Variants in PTPRN2 observed in about 807,000 individuals in gnomAD.
The protein encoded by PTPRN2 is receptor-type tyrosine-protein phosphatase N2.
In PTPRN2, 74 loss-of-function variants were observed where a neutral mutation model predicts 118.8. The ratio of observed to expected loss-of-function variants is 0.62; its 90% confidence interval spans 0.52 to 0.76. The LOEUF (loss-of-function observed/expected upper bound fraction) is 0.76. PTPRN2 is among the 30% of genes least tolerant of loss of function. The pLI is 0.00. For synonymous variants in PTPRN2, 641 were observed against 608.0 expected, an observed-to-expected ratio of 1.05 and a Z score of -0.80; for missense variants, 1,481 against 1,394.4, an observed-to-expected ratio of 1.06 and a Z score of -0.99.
chr7:158,532,891 G>A, intron 1 of PTPRN2: 1 of 501,088 alleles, frequency 2.0e-6, no homozygotes, highest in Non-Finnish European at 4.2e-6. Flanking sequence ...GATGGCTCAG[G>A]GACGGCCAGG....
Position 157,656,445 on chromosome 7 carries a change from G to T in PTPRN2, c.2108C>A (p.Pro703His). 6.4e-7 allele frequency: 1 copy of T among 1,554,548 alleles called. No individual in the cohort carries two copies. Residue 703 changes from proline (P) to histidine (H), a missense_variant, in exon 14 of 23, where the codon CCC (proline) becomes CAC (histidine). Physicochemically the swap from Pro to His is moderately conservative, Grantham distance 77. Coordinates refer to ENST00000389418, the MANE Select transcript of PTPRN2 (RefSeq NM_002847.5). ...GGCGCTGCTGCGTGCGGAGGGGCTG[G>T]GGATCGGCCCGTCGCTGAACTGGGA... Reference protein sequence around the residue: ...VSSQFSDGPIPSPSARSSASS... With the variant: ...VSSQFSDGPIHSPSARSSASS...
intron 11 of PTPRN2, among the ~76,000 whole-genome samples, chr7:157,945,787 C>G (rs1800450568): frequency 6.7e-6 from 1 of 148,356 alleles, no homozygotes; most frequent in South Asian, 2.1e-4. Context: ...ACAATGCCGC[C>G]TTCCCACCTC....
intron 12 of PTPRN2, among the ~76,000 whole-genome samples, chr7:157,836,912 A>T (rs1314292243): frequency 6.7e-6 from 1 of 149,744 alleles, no homozygotes; most frequent in African/African-American, 2.5e-5. Context: ...CTACCCACCC[A>T]CCCTGCACTC....
At position 157,806,205 on chromosome 7, in the gene PTPRN2, T is replaced by C. The variant is rs535504364; in HGVS notation, c.1788+92468A>G. Among the ~76,000 whole-genome samples, 5 of 152,318 alleles carry C rather than the reference T, an allele frequency of 3.3e-5. No individual in the cohort carries two copies. In the East Asian group the frequency reaches 7.7e-4, roughly 24 times the overall value. ...TTACATCACACTTACTGGTTGAGCA[T>C]CCCAAATACAAAAATCTGAAATCCA... On this transcript the variant is annotated intron_variant, in intron 12 of 22. Coordinates refer to ENST00000389418, the MANE Select transcript of PTPRN2 (RefSeq NM_002847.5).
chr7:157,984,018 G>A (rs536474921), intron 11 of PTPRN2, among the ~76,000 whole-genome samples: 131 of 152,248 alleles, frequency 8.6e-4, no homozygotes, highest in Middle Eastern at 3.4e-3. Flanking sequence ...CAGGGGGCCC[G>A]TGAGATGGAG....
chr7:157,875,165 G>A (rs912491809), intron 12 of PTPRN2, among the ~76,000 whole-genome samples: 1 of 152,222 alleles, frequency 6.6e-6, no homozygotes, highest in Non-Finnish European at 1.5e-5. Context: ...CTGTGTCGGG[G>A]TCACCTTGAC....
chr7:157,758,475 C>A (rs990017984), intron 12 of PTPRN2, among the ~76,000 whole-genome samples: 1 of 152,194 alleles, frequency 6.6e-6, no homozygotes, highest in East Asian at 1.9e-4. Context: ...CAGACCGTGG[C>A]CCCCGTGCAG....
At chr7:158,293,754 G>A (rs1173937496) in intron 3 of PTPRN2, among the ~76,000 whole-genome samples, 79 of 22,052 alleles carry the variant, frequency 3.6e-3, no homozygotes, top group Middle Eastern at 0.024. Context: ...AAACTTTTTT[G>A]TTAAAAAAAA....
At chr7:158,268,497 CCAGCCACAAACAGGGCGG>C (rs1798047614) in intron 3 of PTPRN2, among the ~76,000 whole-genome samples, 1 of 144,598 alleles carries the variant, frequency 6.9e-6, no homozygotes, top group African/African-American at 2.6e-5. Context: ...ATATCCCAGC[CCAGCCACAAACAGGGCGG>C]GTGTGAAATA....
At chr7:158,452,654 C>T (rs1033766246) in intron 2 of PTPRN2, among the ~76,000 whole-genome samples, 2 of 151,848 alleles carry the variant, frequency 1.3e-5, no homozygotes, top group African/African-American at 4.8e-5. Flanking sequence ...TTGGGGGGCT[C>T]GATAAGACAG....
intron 1 of PTPRN2, among the ~76,000 whole-genome samples, chr7:158,538,362 C>T (rs1825775200): frequency 1.3e-5 from 2 of 152,270 alleles, no homozygotes. Flanking sequence ...AGCACTGCCC[C>T]TCACCCCTGC....
At chr7:158,190,443 G>A (rs1395804822) in intron 5 of PTPRN2, among the ~76,000 whole-genome samples, 1 of 152,252 alleles carries the variant, frequency 6.6e-6, no homozygotes, top group Non-Finnish European at 1.5e-5. Context: ...GGCCCACACA[G>A]AGAGACTCCC....
chr7:157,704,408 A>G (rs1366165874), intron 12 of PTPRN2, among the ~76,000 whole-genome samples: 1 of 152,240 alleles, frequency 6.6e-6, no homozygotes, highest in African/African-American at 2.4e-5. Context: ...ACAAATGTGG[A>G]AGGCATCCTT....
chr7:158,144,643 A>G (rs1819718297), intron 6 of PTPRN2, among the ~76,000 whole-genome samples: 1 of 152,096 alleles, frequency 6.6e-6, no homozygotes, highest in African/African-American at 2.4e-5. Context: ...GGGGAAGGGG[A>G]AGGGGAAGGA....
intron 12 of PTPRN2, among the ~76,000 whole-genome samples, chr7:157,742,864 T>A (rs1246083258): frequency 6.6e-6 from 1 of 152,238 alleles, no homozygotes; most frequent in Admixed American, 6.5e-5. Context: ...TGCTTGTAAT[T>A]CCAAAGTATT....
At chr7:158,263,074 TCA>T (rs1205784451) in intron 3 of PTPRN2, among the ~76,000 whole-genome samples, 38 of 137,536 alleles carry the variant, frequency 2.8e-4, no homozygotes, top group African/African-American at 7.4e-4. Context: ...CACACACACA[TCA>T]CACACACCAC....
At chr7:158,248,207 C>CT (rs1796382228) in intron 3 of PTPRN2, among the ~76,000 whole-genome samples, 1 of 152,178 alleles carries the variant, frequency 6.6e-6, no homozygotes. Context: ...CCCCTTCCGT[C>CT]TTGACACTCA....
intron 22 of PTPRN2, among the ~76,000 whole-genome samples, chr7:157,544,578 G>A (rs1170581977): frequency 6.6e-6 from 1 of 152,240 alleles, no homozygotes; most frequent in African/African-American, 2.4e-5. Flanking sequence ...AGTGAGGAGG[G>A]CATGGGGCTT....
chr7:158,444,453 C>G (rs923372576), intron 2 of PTPRN2, among the ~76,000 whole-genome samples: 1 of 152,258 alleles, frequency 6.6e-6, no homozygotes, highest in Non-Finnish European at 1.5e-5. Flanking sequence ...CTGCTGCAAA[C>G]GTCAGTTTGA....
Sources: allele counts gnomAD v4.1 joint callset (sites outside exome capture counted in the v4.1 genomes callset), GRCh38; gene constraint gnomAD v4.1.1; transcripts MANE v1.5; gene names NCBI Gene and HGNC (gene_info 2026-07-23, HGNC 2026-07-21).